The following SUPT3H variants were observed in gnomAD, a reference collection of about 807,000 sequenced individuals.
SUPT3H encodes transcription initiation protein SPT3 homolog.
Under a neutral mutation model 44.3 loss-of-function variants are expected in SUPT3H, and 44 were observed. That is an observed-to-expected ratio of 0.99 (90% CI 0.78 to 1.28). SUPT3H has a LOEUF of 1.28. Ranked by LOEUF, SUPT3H falls within the 50% of genes most tolerant of loss-of-function variation. SUPT3H has a pLI of 0.00. For synonymous variants in SUPT3H, 124 were observed against 125.6 expected, an observed-to-expected ratio of 0.99 and a Z score of 0.09; for missense variants, 380 against 387.1, an observed-to-expected ratio of 0.98 and a Z score of 0.15.
At chr6:45,261,354 C>T (rs1487421882) in intron 2 of SUPT3H, among the ~76,000 whole-genome samples, 1 of 151,978 alleles carries the variant, frequency 6.6e-6, no homozygotes, top group Admixed American at 6.6e-5. Context: ...TCCAGAGGCA[C>T]ATCAAAAAGC....
intron 10 of SUPT3H, among the ~76,000 whole-genome samples, chr6:44,846,329 A>T (rs182730129): frequency 6.6e-6 from 1 of 152,350 alleles, no homozygotes; most frequent in East Asian, 1.9e-4. Flanking sequence ...TCGATTTACT[A>T]ATCTCTTCAA....
intron 2 of SUPT3H, among the ~76,000 whole-genome samples, chr6:45,111,121 C>G (rs1361140256): frequency 6.6e-6 from 1 of 151,436 alleles, no homozygotes. Context: ...CAACCTCCAC[C>G]TCCCGGCTTC....
chr6:45,071,837 T>C (rs1050908241), intron 3 of SUPT3H, among the ~76,000 whole-genome samples: 4 of 152,198 alleles, frequency 2.6e-5, no homozygotes, highest in African/African-American at 4.8e-5. Context: ...AGATCTCTGA[T>C]GCCCAGACCT....
chr6:45,219,872 C>T (rs757983596), intron 2 of SUPT3H, among the ~76,000 whole-genome samples: 9 of 151,508 alleles, frequency 5.9e-5, no homozygotes, highest in Non-Finnish European at 1.2e-4. Flanking sequence ...AACCCTGTCT[C>T]CATTAAAAAT....
At chr6:45,245,896 C>A (rs1771252105) in intron 2 of SUPT3H, among the ~76,000 whole-genome samples, 1 of 152,094 alleles carries the variant, frequency 6.6e-6, no homozygotes, top group Non-Finnish European at 1.5e-5. Flanking sequence ...TAAATTCCTA[C>A]CAGCCATGCA....
At chr6:45,164,024 T>A (rs1371790490) in intron 2 of SUPT3H, among the ~76,000 whole-genome samples, 3 of 152,136 alleles carry the variant, frequency 2.0e-5, no homozygotes, top group Non-Finnish European at 4.4e-5. Flanking sequence ...TTAACAAACA[T>A]GTAGAGCAGT....
intron 2 of SUPT3H, among the ~76,000 whole-genome samples, chr6:45,293,173 C>T (rs1022330689): frequency 6.6e-5 from 10 of 151,938 alleles, no homozygotes; most frequent in African/African-American, 1.5e-4. Context: ...GGAAATCAAC[C>T]CCAAAAGGAA....
At chr6:45,374,492 C>T (rs1582016659) in intron 1 of SUPT3H, among the ~76,000 whole-genome samples, 1 of 152,198 alleles carries the variant, frequency 6.6e-6, no homozygotes, top group Non-Finnish European at 1.5e-5. Flanking sequence ...GAACTCAAAT[C>T]AAGTGTTAGA....
chr6:45,272,490 G>C lies in SUPT3H; in HGVS notation c.101+92711C>G, dbSNP rs1776347844. Among the ~76,000 whole-genome samples, 3 of 152,164 alleles carry C rather than the reference G, an allele frequency of 2.0e-5. 1 individual carries two copies. The South Asian group carries it at 6.2e-4, about 32-fold the overall frequency. ...CTTCCCCGGCCATGTGGAACTGTTA[G>C]TCCAATTAAACCTCTGTCTTTTGTA... is the stretch of plus-strand genomic sequence containing the variant. On this transcript the variant is annotated intron_variant, in intron 2 of 10. Coordinates refer to ENST00000371459, the MANE Select transcript of SUPT3H (RefSeq NM_003599.4).
chr6:45,013,939 A>G (rs1037561764), intron 5 of SUPT3H, among the ~76,000 whole-genome samples: 3 of 152,028 alleles, frequency 2.0e-5, no homozygotes, highest in Non-Finnish European at 4.4e-5. Flanking sequence ...TCTTAACAAG[A>G]TTTAGTTGAT....
At chr6:45,272,024 C>T (rs1445516630) in intron 2 of SUPT3H, among the ~76,000 whole-genome samples, 1 of 152,174 alleles carries the variant, frequency 6.6e-6, no homozygotes, top group African/African-American at 2.4e-5. Context: ...TTTGGAATGG[C>T]TGTATTTACC....
chr6:45,089,071 T>A (rs1229269610), intron 3 of SUPT3H, among the ~76,000 whole-genome samples: 1 of 152,018 alleles, frequency 6.6e-6, no homozygotes, highest in East Asian at 1.9e-4. Flanking sequence ...GAAAATATAG[T>A]AGCAAGTATA....
At chr6:45,354,288 G>C (rs1792675156) in intron 2 of SUPT3H, among the ~76,000 whole-genome samples, 2 of 151,948 alleles carry the variant, frequency 1.3e-5, no homozygotes, top group Non-Finnish European at 2.9e-5. Context: ...TACACACAAT[G>C]AAATAAAAAG....
chr6:44,982,415 G>C (rs1390617361), intron 6 of SUPT3H, among the ~76,000 whole-genome samples: 4 of 152,180 alleles, frequency 2.6e-5, no homozygotes, highest in African/African-American at 4.8e-5. Flanking sequence ...AGTAGAGACA[G>C]TGTTTCACCG....
chr6:45,343,162 CAT>C (rs1487732354), intron 2 of SUPT3H, among the ~76,000 whole-genome samples: 1 of 152,164 alleles, frequency 6.6e-6, no homozygotes, highest in Non-Finnish European at 1.5e-5. Context: ...AACTCATACT[CAT>C]AGTGTGGCTC....
chr6:45,317,183 C>T (rs1227368936), intron 2 of SUPT3H, among the ~76,000 whole-genome samples: 9 of 137,926 alleles, frequency 6.5e-5, no homozygotes, highest in African/African-American at 2.2e-4. Context: ...GTTGAGATCA[C>T]ACCACTTGCA....
At chr6:44,908,229 G>T (rs1056017599) in intron 10 of SUPT3H, among the ~76,000 whole-genome samples, 1 of 147,972 alleles carries the variant, frequency 6.8e-6, no homozygotes, top group Non-Finnish European at 1.5e-5. Context: ...TGAGCTCACT[G>T]CAAGCTCTGC....
intron 2 of SUPT3H, among the ~76,000 whole-genome samples, chr6:45,136,823 G>A (rs1804362337): frequency 6.6e-6 from 1 of 152,024 alleles, no homozygotes; most frequent in East Asian, 1.9e-4. Context: ...GTGTACCAAT[G>A]TGCATATAAC....
At chr6:45,177,665 C>G (rs12193102) in intron 2 of SUPT3H, among the ~76,000 whole-genome samples, 49,302 of 148,942 alleles carry the variant, frequency 0.33, 8,744 homozygotes, top group Non-Finnish European at 0.39. Flanking sequence ...AGGGCAGCCA[C>G]AGAGAAAGGT....
Sources: gnomAD v4.1 joint callset for allele counts (sites outside exome capture counted in the v4.1 genomes callset) on GRCh38, gnomAD v4.1.1 for gene constraint, MANE v1.5 for transcripts, NCBI Gene and HGNC (gene_info 2026-07-23, HGNC 2026-07-21) for gene names.